PLPP1: variants seen among roughly 807,000 people sequenced by gnomAD.
PLPP1 encodes phospholipid phosphatase 1, also known as lipid phosphate phosphohydrolase 1a.
In PLPP1, 24 loss-of-function variants were observed where a neutral mutation model predicts 31.2. The ratio of observed to expected loss-of-function variants is 0.77; its 90% CI spans 0.56 to 1.08. The LOEUF (loss-of-function observed/expected upper bound fraction) is 1.08, where lower values mean the gene tolerates loss of function less well. Ranked by LOEUF, PLPP1 falls within the 50% of genes least tolerant of loss-of-function variation. The probability of loss-of-function intolerance (pLI) is 0.00; values close to 1 mark genes in which losing one functional copy is unlikely to be tolerated. For synonymous variants in PLPP1, 146 were observed against 126.3 expected (o/e 1.16, Z -1.05); for missense variants, 319 against 342.7 (o/e 0.93, Z 0.55).
chr5:55,480,029 G>C (rs1451491075), intron 1 of PLPP1, among the ~76,000 whole-genome samples: 2 of 152,124 alleles, frequency 1.3e-5, no homozygotes, highest in Admixed American at 1.3e-4. Flanking sequence ...TACTTCACCA[G>C]ACACAGTGTA....
chr5:55,520,770 T>C (rs1753646792), intron 1 of PLPP1, among the ~76,000 whole-genome samples: 1 of 152,252 alleles, frequency 6.6e-6, no homozygotes, highest in African/African-American at 2.4e-5. Flanking sequence ...TTTTCACCTA[T>C]TAATGTGGAT....
intron 4 of PLPP1, among the ~76,000 whole-genome samples, chr5:55,438,065 A>G (rs1282592961): frequency 6.6e-6 from 1 of 152,214 alleles, no homozygotes; most frequent in Non-Finnish European, 1.5e-5. Flanking sequence ...GCTGAAGCAT[A>G]GATACAGGAA....
At chr5:55,504,504 G>A (rs759313515) in intron 1 of PLPP1, among the ~76,000 whole-genome samples, 41 of 132,266 alleles carry the variant, frequency 3.1e-4, no homozygotes, top group Admixed American at 2.8e-3. Context: ...CAGTCTGGGA[G>A]ACAGAGCAAG....
At chr5:55,490,214 G>T in intron 1 of PLPP1, among the ~76,000 whole-genome samples, 1 of 136,786 alleles carries the variant, frequency 7.3e-6, no homozygotes, top group East Asian at 2.3e-4. Flanking sequence ...GCAATGGCAT[G>T]ATCTTGGCTC....
intron 1 of PLPP1, among the ~76,000 whole-genome samples, chr5:55,477,653 A>T (rs574781218): frequency 6.6e-6 from 1 of 152,062 alleles, no homozygotes; most frequent in Non-Finnish European, 1.5e-5. Flanking sequence ...TCAGCCTCCC[A>T]AAGTGTTGAG....
chr5:55,425,762 A>T, intron 5 of PLPP1, 101 bp downstream of exon 5: 1 of 1,111,350 alleles, frequency 9.0e-7, no homozygotes, highest in Non-Finnish European at 1.3e-6. Flanking sequence ...CCCACTGCAT[A>T]GTCTTCTCCT....
At chr5:55,464,669 A>G (rs1019948177) in intron 3 of PLPP1, among the ~76,000 whole-genome samples, 24 of 152,234 alleles carry the variant, frequency 1.6e-4, no homozygotes, top group African/African-American at 5.8e-4. Flanking sequence ...AAGGAACAAC[A>G]TGGATGAATT....
chr5:55,426,175 G>A (rs564819227), intron 4 of PLPP1, 136 bp from the exon 5 acceptor site: 154 of 725,644 alleles, frequency 2.1e-4, no homozygotes, highest in Middle Eastern at 1.2e-3. Context: ...AAACATTCAC[G>A]TACGCATTAT....
At chr5:55,468,971 A>G (rs1026046583) in intron 2 of PLPP1, among the ~76,000 whole-genome samples, 4 of 152,158 alleles carry the variant, frequency 2.6e-5, no homozygotes, top group African/African-American at 7.2e-5. Flanking sequence ...TTGCTAGAGG[A>G]TACAGAGGGC....
chr5:55,508,928 G>C (rs527909617), intron 1 of PLPP1: 22 of 154,140 alleles, frequency 1.4e-4, no homozygotes, highest in Non-Finnish European at 2.5e-4. Context: ...TAAGTGAGGA[G>C]AGCAGAGAAC....
intron 3 of PLPP1, among the ~76,000 whole-genome samples, chr5:55,447,411 A>G (rs1202134579): frequency 6.6e-6 from 1 of 152,196 alleles, no homozygotes; most frequent in Non-Finnish European, 1.5e-5. Flanking sequence ...ATCATCCTGA[A>G]ATTGATTCCC....
At chr5:55,495,266 C>T (rs1326479854) in intron 1 of PLPP1, among the ~76,000 whole-genome samples, 3 of 151,870 alleles carry the variant, frequency 2.0e-5, no homozygotes, top group African/African-American at 7.3e-5. Context: ...ACAGTTCTTA[C>T]AGAAGGCAAA....
intron 3 of PLPP1, among the ~76,000 whole-genome samples, chr5:55,459,828 C>T (rs1232796808): frequency 6.6e-6 from 1 of 152,130 alleles, no homozygotes; most frequent in Non-Finnish European, 1.5e-5. Flanking sequence ...ACCTCCCTCA[C>T]CCCTGAGACA....
chr5:55,533,764 A>C (rs1740769402), intron 1 of PLPP1, among the ~76,000 whole-genome samples: 4 of 152,222 alleles, frequency 2.6e-5, no homozygotes, highest in Admixed American at 2.6e-4. Context: ...AAAAAGTGAA[A>C]ACTACTCCTT....
At chr5:55,440,549 AGT>A (rs1236101517) in intron 4 of PLPP1, among the ~76,000 whole-genome samples, 2 of 152,208 alleles carry the variant, frequency 1.3e-5, no homozygotes, top group African/African-American at 4.8e-5. Context: ...GAAACATTTG[AGT>A]GTGTGTCTTA....
At chr5:55,524,071 C>G (rs1753729969) in intron 1 of PLPP1, among the ~76,000 whole-genome samples, 1 of 152,096 alleles carries the variant, frequency 6.6e-6, no homozygotes, top group Non-Finnish European at 1.5e-5. Flanking sequence ...AAAAATGATG[C>G]AATGTCAAAT....
intron 4 of PLPP1, among the ~76,000 whole-genome samples, chr5:55,428,715 C>T (rs928809667): frequency 6.6e-6 from 1 of 152,178 alleles, no homozygotes; most frequent in Admixed American, 6.5e-5. Context: ...CATGCTTCAG[C>T]GCCAAGGCTA....
intron 4 of PLPP1, among the ~76,000 whole-genome samples, chr5:55,441,549 A>C (rs1751620213): frequency 6.6e-6 from 1 of 152,170 alleles, no homozygotes. Context: ...TGAGCAGATG[A>C]GGAGAGTGGC....
intron 3 of PLPP1, among the ~76,000 whole-genome samples, chr5:55,443,192 A>AAAAAAAAATAT: frequency 2.8e-4 from 7 of 25,444 alleles, no homozygotes; most frequent in Admixed American, 7.8e-4. Context: ...AAAAAAAAAA[A>AAAAAAAAATAT]ATATATATAT....
Sources: allele counts gnomAD v4.1 joint callset (sites outside exome capture counted in the v4.1 genomes callset), GRCh38; gene constraint gnomAD v4.1.1; transcripts MANE v1.5; gene names NCBI Gene and HGNC (gene_info 2026-07-23, HGNC 2026-07-21).